The following PAX8 variants were observed in gnomAD, a reference collection of about 807,000 sequenced individuals.
PAX8 encodes the protein paired box protein Pax-8.
PAX8 carries 15 observed loss-of-function variants against 52.4 expected under a neutral mutation model. The observed-to-expected ratio is 0.29, with a 90% CI of 0.19 to 0.44. PAX8 has a LOEUF of 0.44. PAX8 is among the 20% of genes least tolerant of loss of function. The pLI is 1.00. For missense variants in PAX8, 554 were observed against 602.5 expected (o/e 0.92, Z 0.84); for synonymous variants, 284 against 249.7 (o/e 1.14, Z -1.29).
chr2:113,269,972 G>C (rs1315374451), intron 2 of PAX8: 2 of 152,180 alleles, frequency 1.3e-5, no homozygotes, highest in African/African-American at 4.8e-5. Flanking sequence ...CTATGACTGG[G>C]TTTTCTGGTA....
intron 2 of PAX8, among the ~76,000 whole-genome samples, chr2:113,260,973 GA>G (rs1558745667): frequency 6.6e-6 from 1 of 151,964 alleles, no homozygotes; most frequent in Non-Finnish European, 1.5e-5. Context: ...CCATCCTGGG[GA>G]CCATAACAGG....
intron 9 of PAX8, among the ~76,000 whole-genome samples, chr2:113,233,020 CCCCCTCCCCT>C (rs1223381386): frequency 1.2e-4 from 16 of 137,756 alleles, no homozygotes; most frequent in African/African-American, 5.6e-5. Flanking sequence ...CTTCTCCTCA[CCCCCTCCCCT>C]CCCCTCCCCT....
At chr2:113,236,966 C>G (rs969631794) in intron 7 of PAX8, 14 of 549,994 alleles carry the variant, frequency 2.5e-5, no homozygotes, top group Non-Finnish European at 3.6e-5. Context: ...TAGAGAGTCT[C>G]AGCCAGAGGA....
At chr2:113,224,122 C>CAT (rs2104422935) in intron 10 of PAX8, among the ~76,000 whole-genome samples, 1 of 151,622 alleles carries the variant, frequency 6.6e-6, no homozygotes, top group South Asian at 2.1e-4. Flanking sequence ...GATGGAAAGA[C>CAT]AGATTAAAGG....
chr2:113,239,855 A>T (rs145226156), intron 7 of PAX8: 14 of 152,340 alleles, frequency 9.2e-5, no homozygotes, highest in Non-Finnish European at 1.6e-4. Flanking sequence ...TGATTGCCCA[A>T]GCCCTCCTTG....
chr2:113,219,979 C>A (rs1292029901), intron 11 of PAX8, 113 bp downstream of exon 11: 2 of 701,972 alleles, frequency 2.8e-6, no homozygotes, highest in East Asian at 5.5e-5. Flanking sequence ...ATCTCCCAGG[C>A]CCTCTGTATA....
chr2:113,260,849 C>G (rs554540464), intron 2 of PAX8, among the ~76,000 whole-genome samples: 4 of 150,714 alleles, frequency 2.7e-5, no homozygotes, highest in Non-Finnish European at 4.4e-5. Context: ...AATTAGGGCA[C>G]GTTTAGAGAG....
chr2:113,229,013 G>A (rs1316101253), intron 9 of PAX8, among the ~76,000 whole-genome samples: 1 of 152,126 alleles, frequency 6.6e-6, no homozygotes, highest in African/African-American at 2.4e-5. Flanking sequence ...TAAGCACTTG[G>A]GTATATAGCA....
chr2:113,251,915 G>A (rs1691799292), intron 2 of PAX8, among the ~76,000 whole-genome samples: 2 of 152,188 alleles, frequency 1.3e-5, no homozygotes, highest in South Asian at 2.1e-4. Context: ...CTCAAAGGCA[G>A]GGGCCCTGTC....
intron 7 of PAX8, chr2:113,240,253 C>T (rs1690704847): frequency 6.6e-6 from 1 of 152,306 alleles, no homozygotes; most frequent in Non-Finnish European, 1.5e-5. Context: ...TGCTGATGGT[C>T]AGCTTTCTCT....
At chr2:113,273,360 G>T (rs148248452) in intron 2 of PAX8, 1 of 152,090 alleles carries the variant, frequency 6.6e-6, no homozygotes, top group African/African-American at 2.4e-5. Context: ...GTCTTCTTGC[G>T]GCCCGGTTTG....
At chr2:113,245,947 G>A (rs960419657) in intron 3 of PAX8, among the ~76,000 whole-genome samples, 75 of 152,334 alleles carry the variant, frequency 4.9e-4, no homozygotes, top group African/African-American at 1.7e-3. Flanking sequence ...AAGGGTCAGA[G>A]CAGGGGGACA....
Position 113,278,442 on chromosome 2 carries a change from G to A in PAX8, c.-48C>T, listed in dbSNP as rs2104626407. The A allele has an allele frequency of 1.9e-6, 3 of 1,607,930 alleles. No individual in the cohort carries two copies. The highest frequency in any genetic ancestry group is 1.7e-6 in the Non-Finnish European group (2 of 1,178,152). Reference sequence around the variant, plus strand: ...CGCCGAGGGCTCGGGGCTTCCTCCCGTAGGTCCGGGCCGCGCCTGCCGCTG... The same window carrying A: ...CGCCGAGGGCTCGGGGCTTCCTCCCATAGGTCCGGGCCGCGCCTGCCGCTG... On this transcript the variant is annotated 5_prime_UTR_variant, in exon 2 of 12. It adds an upstream start codon to the 5' untranslated region. Coordinates refer to ENST00000429538, the MANE Select transcript of PAX8 (RefSeq NM_003466.4).
At chr2:113,272,153 G>A (rs904090192) in intron 2 of PAX8, 4 of 152,034 alleles carry the variant, frequency 2.6e-5, no homozygotes, top group African/African-American at 9.7e-5. Flanking sequence ...GTATCCTTCG[G>A]GGACTCTTGG....
In PAX8 at chr2:113,217,583, C is replaced by A. The variant is rs1218357942; in HGVS notation, c.*950G>T. The A allele has an allele frequency of 8.7e-6, 2 of 230,672 alleles. No homozygotes were observed. Among genetic ancestry groups the A allele is most frequent in the Non-Finnish European group, 8.6e-6 (1 of 116,532 alleles). The allele number at this position is 230,672 out of a possible 1,614,324, so 14.3% of individuals were successfully genotyped here. On this transcript the variant is annotated 3_prime_UTR_variant, in exon 12 of 12. Transcript: ENST00000429538. The stretch of plus-strand genomic sequence containing the variant: ...GAGCTGCTGGGGAGCAGAGAGGGAC[C>A]CTCTATCGCTGGCTTCAGGGGGTGC...
At chr2:113,256,148 T>C (rs1486395710) in intron 2 of PAX8, among the ~76,000 whole-genome samples, 3 of 152,240 alleles carry the variant, frequency 2.0e-5, no homozygotes. Context: ...GAAACCTTCC[T>C]AGGTATTTCA....
At chr2:113,242,569 T>C in intron 5 of PAX8, 121 bp downstream of exon 5, 1 of 795,692 alleles carries the variant, frequency 1.3e-6, no homozygotes, top group Non-Finnish European at 2.3e-6. Flanking sequence ...GGTTTGTGAA[T>C]GGTACTGTGC....
At chr2:113,222,515 G>T (rs1489075548) in intron 10 of PAX8, among the ~76,000 whole-genome samples, 1 of 152,118 alleles carries the variant, frequency 6.6e-6, no homozygotes, top group Non-Finnish European at 1.5e-5. Flanking sequence ...CTACCTGCTT[G>T]CAGTCACAGC....
intron 5 of PAX8, 104 bp from the exon 6 acceptor site, chr2:113,242,234 G>T: frequency 1.0e-6 from 1 of 982,842 alleles, no homozygotes; most frequent in South Asian, 1.4e-5. Flanking sequence ...GCAGGGGCTG[G>T]GGGAGAGGGA....
Sources: gnomAD v4.1 joint callset for allele counts (sites outside exome capture counted in the v4.1 genomes callset) on GRCh38, gnomAD v4.1.1 for gene constraint, MANE v1.5 for transcripts, NCBI Gene and HGNC (gene_info 2026-07-23, HGNC 2026-07-21) for gene names.